Variants in ANGPT2 observed in about 807,000 individuals in gnomAD.
The protein encoded by ANGPT2 is angiopoietin-2.
A neutral mutation model predicts 62.9 loss-of-function variants in ANGPT2; 28 were observed. The observed-to-expected ratio is 0.44, with a 90% CI of 0.33 to 0.61. ANGPT2 has a LOEUF of 0.61. Among genes scored for constraint, ANGPT2 ranks in the 20% least tolerant of loss-of-function variants. The pLI is 0.03. For synonymous variants in ANGPT2, 284 were observed against 207.8 expected (o/e 1.37, Z -3.15); for missense variants, 727 against 594.9 (o/e 1.22, Z -2.31).
chr8:6,516,270 C>T (rs1056365860), intron 5 of ANGPT2, among the ~76,000 whole-genome samples: 3 of 152,226 alleles, frequency 2.0e-5, no homozygotes, highest in African/African-American at 4.8e-5. Flanking sequence ...CATCCAAGTA[C>T]TCTGCCAGAT....
chr8:6,516,205 C>A (rs1204304910), intron 5 of ANGPT2, among the ~76,000 whole-genome samples: 1 of 152,200 alleles, frequency 6.6e-6, no homozygotes, highest in African/African-American at 2.4e-5. Context: ...AAGCTAACCC[C>A]TTGTTACCGC....
chr8:6,512,691 G>C lies in ANGPT2; in HGVS notation c.1196+987C>G, dbSNP rs980619361. On this transcript the variant is annotated intron_variant, in intron 7 of 8. Transcript: ENST00000629816. ...TTCACCGTACTTATCTTGCACACTA[G>C]GTTGTCAAGTCCCATTGCTGTTCTC... Among the ~76,000 whole-genome samples the C allele has an allele frequency of 5.9e-5, 9 of 152,164 alleles. 1 individual carries two copies. The highest frequency in any genetic ancestry group is 5.9e-4 in the Admixed American group (9 of 15,284).
chr8:6,531,438 G>A lies in ANGPT2; in HGVS notation c.444+894C>T, dbSNP rs532156551. ...CAAGTAGCTGGGATTGCAGATGCCCGCCACCACACCTGGCTAATTTGTTTG... is the reference window on the plus strand; with the variant it reads ...CAAGTAGCTGGGATTGCAGATGCCCACCACCACACCTGGCTAATTTGTTTG... On this transcript the variant is annotated intron_variant, in intron 2 of 8. Transcript: ENST00000629816. Among the ~76,000 whole-genome samples, 17 of 151,946 alleles carry A rather than the reference G, an allele frequency of 1.1e-4. 1 individual carries two copies. The highest frequency in any genetic ancestry group is 6.2e-4 in the South Asian group (3 of 4,814).
intron 7 of ANGPT2, among the ~76,000 whole-genome samples, chr8:6,509,819 C>T (rs1814602128): frequency 6.6e-6 from 1 of 152,182 alleles, no homozygotes; most frequent in Admixed American, 6.5e-5. Flanking sequence ...CACATTAGCC[C>T]ACAGTCAGAC....
intron 1 of ANGPT2, among the ~76,000 whole-genome samples, chr8:6,556,219 C>A (rs1168894402): frequency 1.3e-5 from 2 of 152,018 alleles, no homozygotes; most frequent in African/African-American, 4.8e-5. Flanking sequence ...ATAAGTACTA[C>A]AGCATATACA....
At chr8:6,554,502 G>T (rs1213064986) in intron 1 of ANGPT2, among the ~76,000 whole-genome samples, 1 of 151,906 alleles carries the variant, frequency 6.6e-6, no homozygotes, top group African/African-American at 2.4e-5. Context: ...TCTTTAAAAA[G>T]CTCCATTGTC....
intron 1 of ANGPT2, among the ~76,000 whole-genome samples, chr8:6,536,302 G>C (rs1189251928): frequency 6.6e-6 from 1 of 152,090 alleles, no homozygotes; most frequent in Admixed American, 6.5e-5. Context: ...GGGATCCCAG[G>C]CGCCTCACAT....
At position 6,541,842 on chromosome 8, in the gene ANGPT2, G is replaced by GA. The variant is rs963783348; in HGVS notation, c.289-9356dup. ...AACATGGCGAGACTCCATCTCTACA[G>GA]AAAATTTTTTTAAAAATTAGCTGGA... On this transcript the variant is annotated intron_variant, in intron 1 of 8. Coordinates refer to ENST00000629816, the MANE Select transcript of ANGPT2 (RefSeq NM_001118887.2). Among the ~76,000 whole-genome samples the GA allele has an allele frequency of 6.6e-5, 10 of 152,060 alleles. No homozygotes were observed. In the East Asian group the frequency reaches 1.9e-3, roughly 29 times the overall value.
chr8:6,520,650 C>T (rs957238362), intron 4 of ANGPT2, among the ~76,000 whole-genome samples: 6 of 152,196 alleles, frequency 3.9e-5, no homozygotes, highest in South Asian at 2.1e-4. Flanking sequence ...CCTGCCTCAG[C>T]CTCCCAAAGT....
chr8:6,543,620 G>T (rs987128676), intron 1 of ANGPT2, among the ~76,000 whole-genome samples: 4 of 152,112 alleles, frequency 2.6e-5, no homozygotes, highest in African/African-American at 7.2e-5. Context: ...TGATTTTTGT[G>T]TTCATAAAGC....
chr8:6,554,322 G>A (rs1377513580), intron 1 of ANGPT2, among the ~76,000 whole-genome samples: 1 of 151,238 alleles, frequency 6.6e-6, no homozygotes, highest in African/African-American at 2.4e-5. Context: ...AAAAAAAATG[G>A]AAAGGCTGGC....
In ANGPT2 at chr8:6,513,317, T is replaced by C. The variant is rs146107097; in HGVS notation, c.1196+361A>G. On this transcript the variant is annotated intron_variant, in intron 7 of 8. Coordinates refer to ENST00000629816, the MANE Select transcript of ANGPT2 (RefSeq NM_001118887.2). ...GTCACCCAGCAAACCTTTTAATTTT[T>C]TTTTTCTTTTTCTTTTTCTTTTTTT... Among the ~76,000 whole-genome samples, 1,428 of 152,114 alleles carry C rather than the reference T, an allele frequency of 9.4e-3. 22 individuals carry two copies. Among genetic ancestry groups the C allele is most frequent in the African/African-American group, 0.032 (1,343 of 41,530 alleles).
intron 1 of ANGPT2, among the ~76,000 whole-genome samples, chr8:6,549,627 G>T (rs1025065783): frequency 6.6e-6 from 1 of 151,808 alleles, no homozygotes; most frequent in Non-Finnish European, 1.5e-5. Flanking sequence ...ACACAGGTGC[G>T]CACAGATACA....
intron 1 of ANGPT2, among the ~76,000 whole-genome samples, chr8:6,555,297 A>G (rs1408230720): frequency 1.3e-5 from 2 of 152,190 alleles, no homozygotes; most frequent in African/African-American, 2.4e-5. Context: ...AACTTCCCTG[A>G]GGCTGAATTT....
At chr8:6,522,639 G>C (rs532893805) in intron 3 of ANGPT2, among the ~76,000 whole-genome samples, 1 of 151,078 alleles carries the variant, frequency 6.6e-6, no homozygotes, top group Non-Finnish European at 1.5e-5. Flanking sequence ...CCAAGCGTGG[G>C]GGTACATGAA....
intron 1 of ANGPT2, among the ~76,000 whole-genome samples, chr8:6,542,097 G>A (rs1458547359): frequency 6.6e-6 from 1 of 151,626 alleles, no homozygotes. Flanking sequence ...GATGCATTTA[G>A]GCTACAATAT....
chr8:6,559,653 C>T (rs938201357), intron 1 of ANGPT2, among the ~76,000 whole-genome samples: 1 of 152,070 alleles, frequency 6.6e-6, no homozygotes, highest in African/African-American at 2.4e-5. Flanking sequence ...TAGTTCTTTC[C>T]TTTCCATATT....
At chr8:6,543,439 C>G (rs1821966354) in intron 1 of ANGPT2, among the ~76,000 whole-genome samples, 1 of 152,182 alleles carries the variant, frequency 6.6e-6, no homozygotes, top group South Asian at 2.1e-4. Flanking sequence ...CATTTCCGTG[C>G]TCTGCAGCAA....
intron 3 of ANGPT2, among the ~76,000 whole-genome samples, chr8:6,525,929 G>A (rs17077327): frequency 1.3e-5 from 2 of 152,226 alleles, no homozygotes; most frequent in Admixed American, 6.5e-5. Flanking sequence ...GGTAGTTTTA[G>A]CATTGTAGCA....
Sources: gnomAD v4.1 joint callset for allele counts (sites outside exome capture counted in the v4.1 genomes callset) on GRCh38, gnomAD v4.1.1 for gene constraint, MANE v1.5 for transcripts, NCBI Gene and HGNC (gene_info 2026-07-23, HGNC 2026-07-21) for gene names.